Variants in TMC2 observed in about 807,000 individuals in gnomAD.
TMC2 encodes the protein transmembrane channel like 2, also known as transmembrane channel-like protein 2.
In TMC2, 102 loss-of-function variants were observed where a neutral mutation model predicts 105.9. The observed-to-expected ratio is 0.96, with a 90% CI of 0.82 to 1.14. TMC2 has a LOEUF of 1.14. TMC2 is among the 50% of genes most tolerant of loss of function. The pLI, the probability that TMC2 is intolerant of heterozygous loss-of-function variation, is 0.00. For synonymous variants in TMC2, 402 were observed against 422.8 expected, an observed-to-expected ratio of 0.95 and a Z score of 0.60; for missense variants, 1,093 against 1,134.3, an observed-to-expected ratio of 0.96 and a Z score of 0.52.
At position 2,558,983 on chromosome 20, in the gene TMC2, C is replaced by T. The variant is rs1422981355; in HGVS notation, c.401+209C>T. Reference sequence around the variant, plus strand: ...AGAACCGGGATGAAGATCGCGGGTCCGCGCGGGGGAGTGGCCGCGGGCTCT... The same window carrying T: ...AGAACCGGGATGAAGATCGCGGGTCTGCGCGGGGGAGTGGCCGCGGGCTCT... On this transcript the variant is annotated intron_variant, in intron 3 of 19. Transcript: ENST00000358864. The surrounding 1 kb of genome is among the most constrained non-coding windows in gnomAD (Gnocchi z 4.6). Among the ~76,000 whole-genome samples, 1 of 152,248 alleles carries T rather than the reference C, an allele frequency of 6.6e-6. No homozygotes were observed. Among genetic ancestry groups the T allele is most frequent in the Admixed American group, 6.5e-5 (1 of 15,302 alleles).
intron 4 of TMC2, among the ~76,000 whole-genome samples, chr20:2,567,986 T>C (rs967227762): frequency 6.6e-6 from 1 of 152,096 alleles, no homozygotes; most frequent in Non-Finnish European, 1.5e-5. Context: ...TGCACAGAAC[T>C]TCAAGGATGT....
chr20:2,571,665 T>C (rs1193415110), intron 4 of TMC2, among the ~76,000 whole-genome samples: 2 of 152,188 alleles, frequency 1.3e-5, no homozygotes, highest in Non-Finnish European at 2.9e-5. Context: ...TTTATTACAC[T>C]GGGGCCATGC....
At chr20:2,609,916 C>T (rs1340370273) in intron 11 of TMC2, among the ~76,000 whole-genome samples, 1 of 152,130 alleles carries the variant, frequency 6.6e-6, no homozygotes, top group Non-Finnish European at 1.5e-5. Context: ...GGTGCAATCT[C>T]GCCTCACTGT....
chr20:2,539,578 A>G (rs1476691789), intron 2 of TMC2, among the ~76,000 whole-genome samples: 1 of 152,168 alleles, frequency 6.6e-6, no homozygotes, highest in Non-Finnish European at 1.5e-5. Context: ...ATGGGACCCC[A>G]GGGAACCCTT....
At chr20:2,630,734 G>C (rs1276289369) in intron 17 of TMC2, among the ~76,000 whole-genome samples, 1 of 152,142 alleles carries the variant, frequency 6.6e-6, no homozygotes, top group East Asian at 1.9e-4. Flanking sequence ...AAAGGTGGAG[G>C]ATTGCTTGAA....
At chr20:2,633,181 G>C (rs961420776) in intron 17 of TMC2, among the ~76,000 whole-genome samples, 9 of 152,188 alleles carry the variant, frequency 5.9e-5, no homozygotes, top group African/African-American at 2.2e-4. Flanking sequence ...TTCCCAACAG[G>C]CTCTGTGTAT....
chr20:2,574,794 C>T (rs193184641), intron 5 of TMC2, among the ~76,000 whole-genome samples: 25 of 152,082 alleles, frequency 1.6e-4, no homozygotes, highest in East Asian at 5.8e-4. Flanking sequence ...AGCATGATCT[C>T]GGCTCACTAC....
chr20:2,579,023 G>A (rs2086167668), intron 5 of TMC2, 123 bp from the exon 6 acceptor site: 2 of 660,008 alleles, frequency 3.0e-6, no homozygotes, highest in Non-Finnish European at 2.8e-6. Flanking sequence ...GGGACTGCAA[G>A]ACAGCAGCTT....
At chr20:2,622,803 C>A (rs1262888771) in intron 16 of TMC2, among the ~76,000 whole-genome samples, 3 of 152,082 alleles carry the variant, frequency 2.0e-5, no homozygotes, top group Non-Finnish European at 4.4e-5. Flanking sequence ...TGTTTAGCTG[C>A]AAAATTTTGA....
chr20:2,575,768 C>T (rs2086140028), intron 5 of TMC2, among the ~76,000 whole-genome samples: 1 of 138,912 alleles, frequency 7.2e-6, no homozygotes, highest in African/African-American at 2.7e-5. Context: ...TTGCTTCTTT[C>T]TCTTTGCAAT....
chr20:2,625,582 C>T lies in TMC2; in HGVS notation c.2306+1186C>T, dbSNP rs150308929. 1.0e-3 allele frequency among the ~76,000 whole-genome samples: 153 copies of T among 152,342 alleles called. 1 individual carries two copies. In the Middle Eastern group the frequency reaches 0.017, roughly 17 times the overall value. On this transcript the variant is annotated intron_variant, in intron 17 of 19. Transcript: ENST00000358864. ...ATTTATCCATGCGGATACATGAGCA[C>T]ATGTTTGAAGGCTCTACTATGTTCC...
intron 8 of TMC2, among the ~76,000 whole-genome samples, chr20:2,593,550 T>G (rs929883362): frequency 1.3e-5 from 2 of 152,222 alleles, no homozygotes; most frequent in Non-Finnish European, 1.5e-5. Flanking sequence ...AGATTGCGTG[T>G]GTAAGTGTGA....
At chr20:2,572,438 C>G (rs1286225924) in intron 5 of TMC2, among the ~76,000 whole-genome samples, 169 bp downstream of exon 5, 1 of 152,198 alleles carries the variant, frequency 6.6e-6, no homozygotes, top group Admixed American at 6.5e-5. Flanking sequence ...GGAAACCAAT[C>G]GTATCCTGCC....
At chr20:2,538,623 AG>A (rs1250232740) in intron 2 of TMC2, among the ~76,000 whole-genome samples, 2 of 152,154 alleles carry the variant, frequency 1.3e-5, no homozygotes, top group African/African-American at 4.8e-5. Context: ...CTCCCCTGTG[AG>A]CAGTAGTCCT....
rs377167816 is a variant in TMC2 at position 2,584,422 on chromosome 20, C to T, written c.834+4366C>T. On this transcript the variant is annotated intron_variant, in intron 7 of 19. Coordinates refer to ENST00000358864, the MANE Select transcript of TMC2 (RefSeq NM_080751.3). ...TCCCGCCACTGCACTCCAGCCTGGG[C>T]GACAGAGCGAGACTCCGTCTCAAAA... 2.1e-4 allele frequency among the ~76,000 whole-genome samples: 28 copies of T among 135,080 alleles called. 1 individual carries two copies. Among genetic ancestry groups the T allele is most frequent in the South Asian group, 9.0e-4 (4 of 4,448 alleles). The allele number at this position is 135,080 out of a possible 152,430, so 88.6% of individuals were successfully genotyped here.
chr20:2,558,972 G>T lies in TMC2; in HGVS notation c.401+198G>T, dbSNP rs911168094. ...TTCTTCATCCCAGAACCGGGATGAA[G>T]ATCGCGGGTCCGCGCGGGGGAGTGG... On this transcript the variant is annotated intron_variant, in intron 3 of 19. Transcript: ENST00000358864. The surrounding 1 kb of genome is among the most constrained non-coding windows in gnomAD (Gnocchi z 4.6). Among the ~76,000 whole-genome samples, 5 of 152,142 alleles carry T rather than the reference G, an allele frequency of 3.3e-5. No homozygotes were observed. Among genetic ancestry groups the T allele is most frequent in the Non-Finnish European group, 5.9e-5 (4 of 68,010 alleles).
At chr20:2,559,067 CGCGGGTGGAGAGGTGACAGGGCA>C (rs915702279) in intron 3 of TMC2, among the ~76,000 whole-genome samples, 13 of 152,150 alleles carry the variant, frequency 8.5e-5, no homozygotes, top group South Asian at 8.3e-4. Flanking sequence ...GGTGGCGGGG[CGCGGGTGGAGAGGTGACAGGGCA>C]GCGGGTGGGA....
In TMC2 at chr20:2,567,443, G is replaced by A. The variant is rs1036746923; in HGVS notation, c.555-4736G>A. Among the ~76,000 whole-genome samples, 6 of 152,274 alleles carry A rather than the reference G, an allele frequency of 3.9e-5. No individual in the cohort carries two copies. In the South Asian group the frequency reaches 6.2e-4, roughly 16 times the overall value. ...AAAGTCCAGGTTTCAATTAAAAATCGCTTGCCATACCAAGAACCAGGAAGA... is the reference window on the plus strand; with the variant it reads ...AAAGTCCAGGTTTCAATTAAAAATCACTTGCCATACCAAGAACCAGGAAGA... On this transcript the variant is annotated intron_variant, in intron 4 of 19. Coordinates refer to ENST00000358864, the MANE Select transcript of TMC2 (RefSeq NM_080751.3).
intron 7 of TMC2, among the ~76,000 whole-genome samples, chr20:2,587,409 T>G (rs1429314553): frequency 1.3e-5 from 2 of 152,160 alleles, no homozygotes; most frequent in East Asian, 3.8e-4. Flanking sequence ...TGATTTTGAT[T>G]TGTGAATATT....
Sources: allele counts gnomAD v4.1 joint callset (sites outside exome capture counted in the v4.1 genomes callset), GRCh38; gene constraint gnomAD v4.1.1; non-coding constraint Gnocchi (gnomAD v3.1); transcripts MANE v1.5; gene names NCBI Gene and HGNC (gene_info 2026-07-23, HGNC 2026-07-21).